The following CD9 variants were observed in gnomAD, a reference collection of about 807,000 sequenced individuals.
The protein encoded by CD9 is CD9 molecule.
Under a neutral mutation model 31.4 loss-of-function variants are expected in CD9, and 10 were observed. That is an observed-to-expected ratio of 0.32 (90% CI 0.20 to 0.54). The LOEUF (loss-of-function observed/expected upper bound fraction) is 0.54. Among genes scored for constraint, CD9 ranks in the 20% least tolerant of loss-of-function variants. CD9 has a pLI of 0.94. For missense variants in CD9, 259 were observed against 300.1 expected (o/e 0.86, Z 1.01); for synonymous variants, 113 against 114.1 (o/e 0.99, Z 0.06).
intron 1 of CD9, among the ~76,000 whole-genome samples, chr12:6,211,038 A>C (rs568558214): frequency 2.0e-5 from 3 of 151,920 alleles, no homozygotes; most frequent in Non-Finnish European, 4.4e-5. Context: ...GGGTTTCACC[A>C]TGTTGGCCAG....
In CD9 at chr12:6,232,751, C is replaced by T. The variant is rs767514697; in HGVS notation, c.273+22C>T. On this transcript the variant is annotated intron_variant, in intron 3 of 7. Transcript: ENST00000009180. This position sits in a 1 kb window ranked among gnomAD's most constrained non-coding sequence, Gnocchi z 4.8. ...ACTGGTGAGTATCCCCTCGGCATCC[C>T]CACAGCCACCCTGACTCCCACCAAC... 5.5e-6 allele frequency: 8 copies of T among 1,459,004 alleles called. No individual in the cohort carries two copies. Among genetic ancestry groups the T allele is most frequent in the African/African-American group, 1.4e-5 (1 of 71,412 alleles). The allele number at this position is 1,459,004 out of a possible 1,614,324, so 90.4% of individuals were successfully genotyped here.
chr12:6,231,574 G>A (rs1393016498), intron 2 of CD9, among the ~76,000 whole-genome samples: 1 of 152,230 alleles, frequency 6.6e-6, no homozygotes, highest in Non-Finnish European at 1.5e-5. Flanking sequence ...GAATAGAACT[G>A]TGGGGTGGCC....
chr12:6,223,017 A>G (rs11568236), intron 1 of CD9, among the ~76,000 whole-genome samples: 510 of 152,378 alleles, frequency 3.3e-3, no homozygotes, highest in African/African-American at 0.012. Context: ...CAAAAAGGAC[A>G]GTAATGAGCA....
chr12:6,236,242 C>T lies in CD9; in HGVS notation c.588C>T (p.Ile196=), dbSNP rs746288521. ...KEVFDNKFHI[I]GAVGIGIAVV... is the part of the protein sequence containing the mutation. Reference sequence around the variant, plus strand: ...TCTTCGACAATAAATTCCACATCATCGGCGCAGTGGGCATCGGCATTGCCG... The same window carrying T: ...TCTTCGACAATAAATTCCACATCATTGGCGCAGTGGGCATCGGCATTGCCG... Residue 196 remains isoleucine, a synonymous_variant, in exon 7 of 8, where the codon ATC becomes ATT. Transcript: ENST00000009180. 1.1e-5 allele frequency: 18 copies of T among 1,614,202 alleles called. No individual in the cohort carries two copies. Among genetic ancestry groups the T allele is most frequent in the South Asian group, 4.4e-5 (4 of 91,084 alleles).
At chr12:6,226,712 A>G (rs1046181932) in intron 2 of CD9, among the ~76,000 whole-genome samples, 1 of 152,224 alleles carries the variant, frequency 6.6e-6, no homozygotes, top group African/African-American at 2.4e-5. Flanking sequence ...ATCGGAAAGA[A>G]AGTGAGAGAA....
At chr12:6,230,427 T>G (rs376076872) in intron 2 of CD9, among the ~76,000 whole-genome samples, 4 of 152,280 alleles carry the variant, frequency 2.6e-5, no homozygotes, top group African/African-American at 9.6e-5. Context: ...TCCCTTGGCC[T>G]CTGCCAGGAC....
intron 2 of CD9, among the ~76,000 whole-genome samples, chr12:6,229,307 C>T (rs977157785): frequency 2.6e-5 from 4 of 152,156 alleles, no homozygotes; most frequent in Non-Finnish European, 5.9e-5. Context: ...TCAGGACACG[C>T]GACACTTGGC....
chr12:6,212,101 A>G (rs1313794845), intron 1 of CD9, among the ~76,000 whole-genome samples: 1 of 152,178 alleles, frequency 6.6e-6, no homozygotes, highest in Non-Finnish European at 1.5e-5. Flanking sequence ...CACACCCTGG[A>G]GAGGGGACCA....
At chr12:6,202,129 A>G (rs1219424271) in intron 1 of CD9, among the ~76,000 whole-genome samples, 1 of 151,952 alleles carries the variant, frequency 6.6e-6, no homozygotes, top group Non-Finnish European at 1.5e-5. Flanking sequence ...TCTAAGATTC[A>G]CTCCTCCCCA....
chr12:6,233,833 G>C (rs1591980869), intron 4 of CD9, among the ~76,000 whole-genome samples: 1 of 151,644 alleles, frequency 6.6e-6, no homozygotes, highest in African/African-American at 2.4e-5. Flanking sequence ...CTTTCTGTGG[G>C]CTGGACACCC....
chr12:6,210,898 G>A (rs1217215214), intron 1 of CD9, among the ~76,000 whole-genome samples: 3 of 150,284 alleles, frequency 2.0e-5, no homozygotes, highest in Non-Finnish European at 3.0e-5. Context: ...GTGCAGTGGC[G>A]TGGTCTTGGG....
chr12:6,238,024 A>G lies in CD9; in HGVS notation c.*196A>G. On this transcript the variant is annotated 3_prime_UTR_variant, in exon 8 of 8. Transcript: ENST00000009180. The stretch of plus-strand genomic sequence containing the variant: ...TGCTTCATTCAATATTGACATTTGT[A>G]GTTGAGCGGGGGGTTTGGTTTGCTT... 1 of 495,070 alleles carries G rather than the reference A, an allele frequency of 2.0e-6. No individual in the cohort carries two copies. The highest frequency in any genetic ancestry group is 3.6e-6 in the Non-Finnish European group (1 of 274,224). The allele number at this position is 495,070 out of a possible 1,614,324, so 30.7% of individuals were successfully genotyped here.
At chr12:6,233,760 T>C (rs1221865045) in intron 4 of CD9, among the ~76,000 whole-genome samples, 2 of 152,000 alleles carry the variant, frequency 1.3e-5, no homozygotes, top group Admixed American at 6.6e-5. Flanking sequence ...TGTCTGTCTG[T>C]CCATCTCACA....
intron 2 of CD9, among the ~76,000 whole-genome samples, chr12:6,228,659 T>C (rs778364130): frequency 1.3e-4 from 19 of 151,900 alleles, no homozygotes; most frequent in Non-Finnish European, 2.8e-4. Context: ...GAAATAATAA[T>C]TGTCGTCCAT....
chr12:6,234,094 G>A (rs893991243), intron 4 of CD9, among the ~76,000 whole-genome samples: 16 of 151,636 alleles, frequency 1.1e-4, no homozygotes, highest in Admixed American at 6.6e-5. Flanking sequence ...AGAGAAGGGA[G>A]CCGTGACCTA....
At chr12:6,202,342 C>T (rs1946086809) in intron 1 of CD9, among the ~76,000 whole-genome samples, 1 of 152,222 alleles carries the variant, frequency 6.6e-6, no homozygotes, top group Non-Finnish European at 1.5e-5. Context: ...ACCCAGCTGC[C>T]ACGCTTAGCT....
At chr12:6,222,348 C>A (rs1946302518) in intron 1 of CD9, among the ~76,000 whole-genome samples, 1 of 152,178 alleles carries the variant, frequency 6.6e-6, no homozygotes, top group Non-Finnish European at 1.5e-5. Context: ...TGCCCCTGGC[C>A]CTCCCTTTTC....
Position 6,225,530 on chromosome 12 carries a change from C to T in CD9, c.171C>T (p.Tyr57=), listed in dbSNP as rs765505509. The change falls in exon 2 of 8, where the codon TAC becomes TAT. Residue 57 remains tyrosine (Y), a synonymous_variant. Coordinates refer to ENST00000009180, the MANE Select transcript of CD9 (RefSeq NM_001769.4). ...CTAATAATAATAATTCCAGCTTCTA[C>T]ACAGGTGAGGGACGGGGAAGGCTCA... is the stretch of plus-strand genomic sequence containing the variant. ...QETNNNNSSF[Y]TGVYILIGAG... is the part of the protein sequence containing the mutation. 6.3e-7 allele frequency: 1 copy of T among 1,590,624 alleles called. No individual in the cohort carries two copies. The highest frequency in any genetic ancestry group is 1.7e-5 in the Admixed American group (1 of 59,994).
chr12:6,236,069 C>T (rs1343247666), intron 6 of CD9, 123 bp from the exon 7 acceptor site: 1 of 1,504,376 alleles, frequency 6.6e-7, no homozygotes, highest in Admixed American at 2.2e-5. Context: ...TCCCCGAACA[C>T]TCCTGTCCCC....
Sources: allele counts gnomAD v4.1 joint callset (sites outside exome capture counted in the v4.1 genomes callset), GRCh38; gene constraint gnomAD v4.1.1; non-coding constraint Gnocchi (gnomAD v3.1); transcripts MANE v1.5; gene names NCBI Gene and HGNC (gene_info 2026-07-23, HGNC 2026-07-21).